Variants in EXOC4 observed in about 807,000 individuals in gnomAD.
EXOC4 encodes the protein exocyst complex component 4.
In EXOC4, 71 loss-of-function variants were observed where a neutral mutation model predicts 107.2. The ratio of observed to expected loss-of-function variants is 0.66; its 90% CI spans 0.55 to 0.81. The LOEUF (loss-of-function observed/expected upper bound fraction) is 0.81, where lower values mean the gene tolerates loss of function less well. Among genes scored for constraint, EXOC4 ranks in the 30% least tolerant of loss-of-function variants. The pLI is 0.00. For synonymous variants in EXOC4, 456 were observed against 441.2 expected (o/e 1.03, Z -0.42); for missense variants, 1,108 against 1,189.6 (o/e 0.93, Z 1.01).
chr7:134,037,155 A>G (rs920828136), intron 17 of EXOC4, among the ~76,000 whole-genome samples: 1 of 152,184 alleles, frequency 6.6e-6, no homozygotes, highest in African/African-American at 2.4e-5. Flanking sequence ...TATAGTAACA[A>G]GAGGAGAGAT....
At chr7:134,082,354 T>C in the EXOC4 span, among the ~76,000 whole-genome samples, 1 of 152,228 alleles carries the variant, frequency 6.6e-6, no homozygotes, top group South Asian at 2.1e-4. Flanking sequence ...GATAGGAGTG[T>C]AGCAGTGAGG....
intron 7 of EXOC4, among the ~76,000 whole-genome samples, chr7:133,448,350 T>C (rs1000595467): frequency 1.3e-5 from 2 of 152,118 alleles, no homozygotes; most frequent in Non-Finnish European, 2.9e-5. Context: ...CAGACTGGAA[T>C]ACAGTGGTGC....
At chr7:133,958,062 C>A (rs1394748233) in intron 14 of EXOC4, among the ~76,000 whole-genome samples, 1 of 152,126 alleles carries the variant, frequency 6.6e-6, no homozygotes, top group Admixed American at 6.6e-5. Flanking sequence ...TTGACAGGGC[C>A]AGTATCAGTA....
At chr7:133,937,546 T>G (rs992320772) in intron 13 of EXOC4, among the ~76,000 whole-genome samples, 1 of 152,188 alleles carries the variant, frequency 6.6e-6, no homozygotes. Context: ...CTAAGCTGTT[T>G]ATCAACTTCT....
intron 10 of EXOC4, among the ~76,000 whole-genome samples, chr7:133,674,560 T>A (rs1283781344): frequency 2.0e-5 from 3 of 152,212 alleles, no homozygotes; most frequent in Admixed American, 2.0e-4. Flanking sequence ...GAATGTTTGC[T>A]TTCTAATGTT....
At chr7:133,863,540 G>C (rs1329410226) in intron 11 of EXOC4, among the ~76,000 whole-genome samples, 4 of 152,292 alleles carry the variant, frequency 2.6e-5, no homozygotes, top group African/African-American at 9.6e-5. Context: ...CCTTTGGACA[G>C]GGATAGTGAC....
At chr7:133,605,983 AGTG>A (rs1192200142) in intron 9 of EXOC4, among the ~76,000 whole-genome samples, 1 of 152,154 alleles carries the variant, frequency 6.6e-6, no homozygotes, top group Non-Finnish European at 1.5e-5. Context: ...CTGGAAGCTA[AGTG>A]AGAAGGTGTT....
At chr7:134,063,225 C>G (rs1468644844) in intron 17 of EXOC4, among the ~76,000 whole-genome samples, 3 of 152,172 alleles carry the variant, frequency 2.0e-5, no homozygotes, top group Non-Finnish European at 4.4e-5. Context: ...TCATGCTCTT[C>G]CCTCCAACTA....
chr7:133,835,038 G>A (rs1366738652), intron 11 of EXOC4, among the ~76,000 whole-genome samples: 1 of 152,066 alleles, frequency 6.6e-6, no homozygotes, highest in African/African-American at 2.4e-5. Flanking sequence ...GCACCTCCTT[G>A]CCTTCTGCCA....
chr7:133,514,589 C>G (rs1276173973), intron 9 of EXOC4, among the ~76,000 whole-genome samples: 1 of 152,088 alleles, frequency 6.6e-6, no homozygotes, highest in African/African-American at 2.4e-5. Context: ...TTAGATAACC[C>G]CTTCAGTATC....
chr7:133,584,865 C>T (rs535726849), intron 9 of EXOC4, among the ~76,000 whole-genome samples: 12 of 152,178 alleles, frequency 7.9e-5, no homozygotes, highest in Admixed American at 5.9e-4. Context: ...CGTGAGCCAC[C>T]GTGCCTGGTC....
chr7:133,487,661 A>G (rs1799294102), intron 9 of EXOC4, among the ~76,000 whole-genome samples: 4 of 152,184 alleles, frequency 2.6e-5, no homozygotes, highest in African/African-American at 9.7e-5. Flanking sequence ...GTGAGTCAAG[A>G]TCGTACCACT....
At chr7:134,005,372 G>A (rs1383703753) in intron 16 of EXOC4, among the ~76,000 whole-genome samples, 5 of 152,272 alleles carry the variant, frequency 3.3e-5, no homozygotes, top group Middle Eastern at 6.8e-3. Flanking sequence ...TGCAGACTGG[G>A]CCACAAATTA....
At chr7:133,870,048 TCAG>T (rs1249463893) in intron 11 of EXOC4, among the ~76,000 whole-genome samples, 1 of 152,220 alleles carries the variant, frequency 6.6e-6, no homozygotes, top group Non-Finnish European at 1.5e-5. Flanking sequence ...ATCTTTCAAT[TCAG>T]CAAGTGTTTG....
chr7:134,069,323 CCCTCCTTCT>C (rs1180772446), downstream of EXOC4, among the ~76,000 whole-genome samples: 1 of 136,852 alleles, frequency 7.3e-6, no homozygotes, highest in Non-Finnish European at 1.6e-5. Flanking sequence ...TTCCTTCTCC[CCCTCCTTCT>C]CCTCCTTCTC....
At chr7:133,433,725 A>G (rs1043505805) in intron 7 of EXOC4, among the ~76,000 whole-genome samples, 7 of 152,270 alleles carry the variant, frequency 4.6e-5, no homozygotes, top group Middle Eastern at 3.4e-3. Context: ...CAAGAACTTT[A>G]TTGTTCAATG....
intron 10 of EXOC4, among the ~76,000 whole-genome samples, chr7:133,784,166 A>AT (rs930222424): frequency 7.3e-5 from 11 of 151,364 alleles, no homozygotes; most frequent in South Asian, 4.2e-4. Context: ...CTTTGCTCAT[A>AT]TTTTTTTTTC....
chr7:133,574,734 C>T (rs767144169), intron 9 of EXOC4, among the ~76,000 whole-genome samples: 2 of 152,196 alleles, frequency 1.3e-5, no homozygotes, highest in Non-Finnish European at 2.9e-5. Flanking sequence ...CTCATGCTGG[C>T]TACTCTCCTC....
chr7:133,787,958 TATATTTATATA>T (rs1562997557), intron 10 of EXOC4, among the ~76,000 whole-genome samples: 4,543 of 52,892 alleles, frequency 0.086, 783 homozygotes, highest in Non-Finnish European at 0.1. Context: ...CATATATTTA[TATATTTATATA>T]TATATATATA....
Sources: allele counts gnomAD v4.1 joint callset (sites outside exome capture counted in the v4.1 genomes callset), GRCh38; gene constraint gnomAD v4.1.1; transcripts MANE v1.5; gene names NCBI Gene and HGNC (gene_info 2026-07-23, HGNC 2026-07-21).